CCDC7: variants seen among roughly 807,000 people sequenced by gnomAD.
CCDC7 encodes coiled-coil domain-containing protein 7.
CCDC7 carries 183 observed loss-of-function variants against 196.9 expected under a neutral mutation model. That is an observed-to-expected ratio of 0.93 (90% CI 0.82 to 1.05). The LOEUF (loss-of-function observed/expected upper bound fraction) is 1.05. Ranked by LOEUF, CCDC7 falls within the 50% of genes least tolerant of loss-of-function variation. The pLI, the probability that CCDC7 is intolerant of heterozygous loss-of-function variation, is 0.00. For missense variants in CCDC7, 1,540 were observed against 1,482.2 expected (o/e 1.04, Z -0.64); for synonymous variants, 525 against 484.6 (o/e 1.08, Z -1.10).
chr10:32,586,734 G>C lies in CCDC7; in HGVS notation c.1801+2430G>C, dbSNP rs1224671141. Among the ~76,000 whole-genome samples, 11 of 152,108 alleles carry C rather than the reference G, an allele frequency of 7.2e-5. No individual in the cohort carries two copies. In the East Asian group the frequency reaches 1.9e-3, roughly 27 times the overall value. On this transcript the variant is annotated intron_variant, in intron 18 of 41. Coordinates refer to ENST00000639629, the Ensembl canonical transcript of CCDC7. ...CCTCTGTTCTGTTCCATTGGTCTAT[G>C]TATCTGTTTTGGTACCAGTACCAAG...
At chr10:32,780,510 T>C (rs2080876613) in intron 29 of CCDC7, among the ~76,000 whole-genome samples, 1 of 152,160 alleles carries the variant, frequency 6.6e-6, no homozygotes, top group African/African-American at 2.4e-5. Flanking sequence ...TAGAGGGTGC[T>C]GCATAAGAGT....
chr10:32,626,761 C>A (rs925165502), intron 18 of CCDC7, among the ~76,000 whole-genome samples: 2 of 151,920 alleles, frequency 1.3e-5, no homozygotes, highest in African/African-American at 2.4e-5. Context: ...CAATTTAATT[C>A]TTTGCATGTG....
intron 9 of CCDC7, among the ~76,000 whole-genome samples, chr10:32,495,724 G>A (rs2042814917): frequency 6.6e-6 from 1 of 152,108 alleles, no homozygotes; most frequent in Admixed American, 6.6e-5. Flanking sequence ...TTATTTCTGA[G>A]GCCTCTGTTC....
At chr10:32,710,411 A>G (rs2080629105) in intron 24 of CCDC7, among the ~76,000 whole-genome samples, 1 of 152,210 alleles carries the variant, frequency 6.6e-6, no homozygotes, top group Non-Finnish European at 1.5e-5. Context: ...TCTCATCTGC[A>G]GGGGACAATA....
chr10:32,504,475 C>T (rs73251574), intron 9 of CCDC7, among the ~76,000 whole-genome samples: 7 of 152,120 alleles, frequency 4.6e-5, no homozygotes, highest in Admixed American at 2.0e-4. Context: ...TTATTTTTCT[C>T]GTTCTTTGGT....
intron 21 of CCDC7, among the ~76,000 whole-genome samples, chr10:32,669,391 G>T (rs963296576): frequency 6.6e-6 from 1 of 152,016 alleles, no homozygotes; most frequent in African/African-American, 2.4e-5. Context: ...AGTAATGCTG[G>T]CCTCCTAAAA....
At chr10:32,826,304 G>A (rs2091103755) in intron 32 of CCDC7, among the ~76,000 whole-genome samples, 1 of 152,178 alleles carries the variant, frequency 6.6e-6, no homozygotes. Context: ...AGTCCAATAT[G>A]CAAGGGCAGG....
At chr10:32,688,822 TA>T (rs1178691468) in intron 22 of CCDC7, among the ~76,000 whole-genome samples, 1 of 152,164 alleles carries the variant, frequency 6.6e-6, no homozygotes, top group Non-Finnish European at 1.5e-5. Context: ...AGCCAGAGAC[TA>T]AGATAAAACA....
intron 41 of CCDC7, among the ~76,000 whole-genome samples, chr10:32,863,041 T>C (rs905248700): frequency 1.3e-5 from 2 of 152,076 alleles, no homozygotes; most frequent in Admixed American, 6.6e-5. Context: ...TGTTCATGGA[T>C]GGGAATAATT....
intron 30 of CCDC7, among the ~76,000 whole-genome samples, chr10:32,814,008 A>G (rs548018237): frequency 2.0e-5 from 3 of 151,986 alleles, no homozygotes; most frequent in Admixed American, 6.6e-5. Flanking sequence ...ACCGGGCTGG[A>G]GTGCAGTGGC....
intron 18 of CCDC7, among the ~76,000 whole-genome samples, chr10:32,607,608 G>C (rs1402059083): frequency 1.3e-5 from 2 of 152,080 alleles, no homozygotes; most frequent in Non-Finnish European, 2.9e-5. Flanking sequence ...CCTTGATTCT[G>C]TTTATGTGAT....
intron 21 of CCDC7, among the ~76,000 whole-genome samples, chr10:32,667,590 T>C (rs1241225850): frequency 6.6e-6 from 1 of 152,208 alleles, no homozygotes; most frequent in African/African-American, 2.4e-5. Context: ...TACATATGGC[T>C]AGCCAGTTTT....
intron 20 of CCDC7, among the ~76,000 whole-genome samples, chr10:32,635,535 A>G (rs1212298457): frequency 6.6e-6 from 1 of 152,126 alleles, no homozygotes; most frequent in Non-Finnish European, 1.5e-5. Context: ...CCATAATCCC[A>G]GCACTTTGGG....
At chr10:32,692,867 C>T (rs775435623) in intron 23 of CCDC7, among the ~76,000 whole-genome samples, 5 of 152,110 alleles carry the variant, frequency 3.3e-5, no homozygotes, top group Non-Finnish European at 7.4e-5. Context: ...ATGGGGTTGT[C>T]TCATGGTGGA....
At chr10:32,518,464 T>A in exon 11 of CCDC7, 1 of 1,607,074 alleles carries the variant, frequency 6.2e-7, no homozygotes, top group Non-Finnish European at 8.5e-7. Context: ...AGAAGAGAAG[T>A]TGGTGCTGGA....
chr10:32,501,956 C>G (rs1373296710), intron 9 of CCDC7, among the ~76,000 whole-genome samples: 2 of 152,208 alleles, frequency 1.3e-5, no homozygotes, highest in South Asian at 2.1e-4. Context: ...CCCCTTCCCC[C>G]AGGTGCTCTG....
At chr10:32,566,214 A>G (rs184435947) in intron 14 of CCDC7, among the ~76,000 whole-genome samples, 2 of 152,340 alleles carry the variant, frequency 1.3e-5, no homozygotes, top group Admixed American at 1.3e-4. Flanking sequence ...TATTATCAAA[A>G]AAGTATGAAT....
chr10:32,724,997 A>G (rs2082912434), intron 25 of CCDC7, among the ~76,000 whole-genome samples: 1 of 152,104 alleles, frequency 6.6e-6, no homozygotes, highest in Admixed American at 6.6e-5. Flanking sequence ...TTTTAACTTG[A>G]ACCCATACTC....
chr10:32,785,358 T>C (rs2081676662), intron 29 of CCDC7, among the ~76,000 whole-genome samples: 1 of 152,164 alleles, frequency 6.6e-6, no homozygotes, highest in South Asian at 2.1e-4. Context: ...CAATTTAAAA[T>C]CCTATTTATA....
Sources: gnomAD v4.1 joint callset for allele counts (sites outside exome capture counted in the v4.1 genomes callset) on GRCh38, gnomAD v4.1.1 for gene constraint, MANE v1.5 for transcripts, NCBI Gene and HGNC (gene_info 2026-07-23, HGNC 2026-07-21) for gene names.